CKM: variants seen among roughly 807,000 people sequenced by gnomAD.
CKM encodes creatine kinase M-type.
CKM carries 28 observed loss-of-function variants against 35.4 expected under a neutral mutation model. The observed-to-expected ratio is 0.79, with a 90% confidence interval of 0.59 to 1.08. The LOEUF is 1.08. Among genes scored for constraint, CKM ranks in the 50% least tolerant of loss-of-function variants. The pLI is 0.00. For missense variants in CKM, 484 were observed against 509.8 expected (o/e 0.95, Z 0.49); for synonymous variants, 215 against 204.4 (o/e 1.05, Z -0.44).
intron 5 of CKM, 71 bp downstream of exon 5, chr19:45,311,678 G>C: frequency 2.2e-6 from 3 of 1,336,782 alleles, no homozygotes; most frequent in Non-Finnish European, 3.1e-6. Flanking sequence ...TGGTGGAGGA[G>C]TGAGGAGGGC....
intron 3 of CKM, among the ~76,000 whole-genome samples, chr19:45,317,556 G>A (rs1360699142): frequency 2.0e-5 from 3 of 151,004 alleles, no homozygotes; most frequent in Non-Finnish European, 4.4e-5. Context: ...CAAAGTGCTG[G>A]GATTACAGGC....
intron 1 of CKM, among the ~76,000 whole-genome samples, chr19:45,321,365 T>C (rs889459711): frequency 1.3e-5 from 2 of 152,088 alleles, no homozygotes; most frequent in South Asian, 2.1e-4. Context: ...CTGCTGACAG[T>C]TCTCCCACAG....
intron 2 of CKM, among the ~76,000 whole-genome samples, chr19:45,318,888 T>C (rs1971184795): frequency 6.7e-6 from 1 of 148,712 alleles, no homozygotes; most frequent in Non-Finnish European, 1.5e-5. Context: ...TGAGACAGGG[T>C]CTCACTCTGT....
At chr19:45,319,006 C>T (rs57288057) in intron 2 of CKM, among the ~76,000 whole-genome samples, 4,523 of 152,160 alleles carry the variant, frequency 0.03, 345 homozygotes, top group East Asian at 0.27. Context: ...AAGCCCTCAT[C>T]ACCACACTTG....
At chr19:45,313,561 C>T (rs1171213906) in intron 4 of CKM, among the ~76,000 whole-genome samples, 1 of 152,186 alleles carries the variant, frequency 6.6e-6, no homozygotes, top group African/African-American at 2.4e-5. Flanking sequence ...TAAAAAGCTT[C>T]ATAGGCCAGG....
chr19:45,308,472 G>C lies in CKM; in HGVS notation c.714C>G (p.Ile238Met). 1 of 1,614,188 alleles carries C rather than the reference G, an allele frequency of 6.2e-7. No individual in the cohort carries two copies. The highest frequency in any genetic ancestry group is 1.1e-5 in the South Asian group (1 of 91,084). Residue 238 changes from isoleucine to methionine, a missense_variant, in exon 6 of 8, where the codon ATC becomes ATG. Coordinates refer to ENST00000221476, the MANE Select transcript of CKM (RefSeq NM_001824.5). ...WVNEEDHLRV[I>M]SMEKGGNMKE... ...TCATGTTGCCCCCCTTCTCCATGGA[G>C]ATGACCCGGAGGTGATCCTCCTCGT...
intron 2 of CKM, 148 bp from the exon 3 acceptor site, chr19:45,318,127 G>T (rs1448794507): frequency 1.1e-5 from 7 of 657,250 alleles, no homozygotes; most frequent in South Asian, 7.2e-5. Flanking sequence ...AATCATAAGG[G>T]TTGGGCACAG....
intron 1 of CKM, 60 bp downstream of exon 1, chr19:45,322,761 C>T (rs1971225199): frequency 1.0e-6 from 1 of 961,832 alleles, no homozygotes; most frequent in Non-Finnish European, 1.2e-6. Context: ...AGCCAAGCCT[C>T]TAGCACCCAC....
At chr19:45,317,757 C>A (rs1186392373) in intron 3 of CKM, 68 bp downstream of exon 3, 1 of 1,517,754 alleles carries the variant, frequency 6.6e-7, no homozygotes, top group Non-Finnish European at 9.1e-7. Context: ...TTCTCTGTCT[C>A]CCCCCATTTC....
At chr19:45,314,562 T>G (rs1971139700) in intron 4 of CKM, among the ~76,000 whole-genome samples, 1 of 151,992 alleles carries the variant, frequency 6.6e-6, no homozygotes, top group Admixed American at 6.6e-5. Context: ...TACAGGTGTG[T>G]GCCACCAGAC....
At chr19:45,314,043 AGAAG>A (rs947332825) in intron 4 of CKM, among the ~76,000 whole-genome samples, 5 of 147,730 alleles carry the variant, frequency 3.4e-5, no homozygotes, top group Middle Eastern at 3.4e-3. Context: ...AGAGAGAAAG[AGAAG>A]GAAGGAAGGA....
chr19:45,315,264 C>T (rs956684221), intron 4 of CKM, among the ~76,000 whole-genome samples: 16 of 152,094 alleles, frequency 1.1e-4, no homozygotes, highest in South Asian at 2.1e-4. Flanking sequence ...TCTCAGGGGC[C>T]GTCGGGTCTG....
intron 3 of CKM, among the ~76,000 whole-genome samples, chr19:45,315,858 C>CTT (rs1555769919): frequency 2.7e-5 from 2 of 73,786 alleles, no homozygotes; most frequent in African/African-American, 9.0e-5. Context: ...CCTTTTTTTT[C>CTT]TTCGAGACAG....
At chr19:45,310,822 G>C (rs933053398) in intron 5 of CKM, among the ~76,000 whole-genome samples, 4 of 129,148 alleles carry the variant, frequency 3.1e-5, no homozygotes, top group Non-Finnish European at 6.3e-5. Flanking sequence ...CCAGGCTGGA[G>C]TGCAGTGGCA....
intron 1 of CKM, among the ~76,000 whole-genome samples, chr19:45,319,991 A>G (rs890223843): frequency 2.4e-4 from 37 of 151,362 alleles, no homozygotes; most frequent in Non-Finnish European, 4.0e-4. Context: ...GGGTTTCACC[A>G]TGTTAGCCAG....
At chr19:45,319,795 C>CTTT in intron 1 of CKM, 64 bp from the exon 2 acceptor site, 36 of 1,048,176 alleles carry the variant, frequency 3.4e-5, no homozygotes, top group Admixed American at 7.0e-5. Context: ...TCTTCTTCTT[C>CTTT]TTTTTTTTTT....
chr19:45,320,156 G>A lies in CKM; in HGVS notation c.-18-425C>T, dbSNP rs993326915. On this transcript the variant is annotated intron_variant, in intron 1 of 7. Coordinates refer to ENST00000221476, the MANE Select transcript of CKM (RefSeq NM_001824.5). ...GGTTGGAGTGCAGTGGCGAGACCTCGGCTCACTGCAGCCTCCACCTCCCAG... is the reference window on the plus strand; with the variant it reads ...GGTTGGAGTGCAGTGGCGAGACCTCAGCTCACTGCAGCCTCCACCTCCCAG... Among the ~76,000 whole-genome samples the A allele has an allele frequency of 4.0e-5, 6 of 151,454 alleles. No individual in the cohort carries two copies. In the Admixed American group the frequency reaches 4.0e-4, roughly 10 times the overall value.
chr19:45,318,472 AGGTCAAGGTGGCTGGGAGG>A (rs1049625314), intron 2 of CKM, among the ~76,000 whole-genome samples: 4 of 150,514 alleles, frequency 2.7e-5, no homozygotes, highest in East Asian at 3.9e-4. Context: ...AGGCTGGGAG[AGGTCAAGGTGGCTGGGAGG>A]GGTCAAGGTG....
intron 4 of CKM, among the ~76,000 whole-genome samples, chr19:45,314,335 G>A (rs1971137604): frequency 1.3e-5 from 2 of 151,954 alleles, no homozygotes; most frequent in African/African-American, 2.4e-5. Flanking sequence ...TTTTTAGCAG[G>A]ATTTTAAAAT....
Sources: allele counts gnomAD v4.1 joint callset (sites outside exome capture counted in the v4.1 genomes callset), GRCh38; gene constraint gnomAD v4.1.1; transcripts MANE v1.5; gene names NCBI Gene and HGNC (gene_info 2026-07-23, HGNC 2026-07-21).